Variants in MAGI1 observed in about 807,000 individuals in gnomAD.
The protein encoded by MAGI1 is membrane-associated guanylate kinase, WW and PDZ domain-containing protein 1.
In MAGI1, 58 loss-of-function variants were observed where a neutral mutation model predicts 139.9. The observed-to-expected ratio is 0.41, with a 90% CI of 0.34 to 0.52. MAGI1 has a LOEUF of 0.52. MAGI1 is among the 20% of genes least tolerant of loss of function. MAGI1 has a pLI of 0.12. For synonymous variants in MAGI1, 812 were observed against 737.9 expected (o/e 1.10, Z -1.63); for missense variants, 1,874 against 1,901.6 (o/e 0.99, Z 0.27).
chr3:65,590,428 CTG>C (rs2081917427), intron 2 of MAGI1, among the ~76,000 whole-genome samples: 1 of 152,182 alleles, frequency 6.6e-6, no homozygotes, highest in Admixed American at 6.5e-5. Context: ...CCTTGTATAA[CTG>C]TAAAGAAATC....
intron 1 of MAGI1, among the ~76,000 whole-genome samples, chr3:65,915,948 C>T (rs1366699339): frequency 2.7e-5 from 4 of 150,122 alleles, no homozygotes; most frequent in Non-Finnish European, 5.9e-5. Flanking sequence ...GTAAGAAATA[C>T]ATATACATTT....
At chr3:65,495,184 G>A (rs1952335588) in intron 2 of MAGI1, among the ~76,000 whole-genome samples, 1 of 152,132 alleles carries the variant, frequency 6.6e-6, no homozygotes, top group African/African-American at 2.4e-5. Context: ...TAGGTTCATG[G>A]TCTGCCTCTC....
intron 1 of MAGI1, among the ~76,000 whole-genome samples, chr3:65,930,727 C>T (rs1020382976): frequency 1.3e-5 from 2 of 152,132 alleles, no homozygotes; most frequent in African/African-American, 2.4e-5. Context: ...AAGATGATAA[C>T]GCAAGTGACC....
intron 1 of MAGI1, among the ~76,000 whole-genome samples, chr3:65,928,445 C>T (rs1178037756): frequency 6.6e-6 from 1 of 152,144 alleles, no homozygotes; most frequent in Non-Finnish European, 1.5e-5. Flanking sequence ...ATTGTTTCAA[C>T]AGAAACTGGA....
intron 1 of MAGI1, among the ~76,000 whole-genome samples, chr3:65,796,820 T>C (rs1358389580): frequency 6.6e-6 from 1 of 152,214 alleles, no homozygotes; most frequent in Non-Finnish European, 1.5e-5. Context: ...GAAAGCGGCC[T>C]TGTACTATAC....
chr3:65,857,532 T>A (rs1202453256), intron 1 of MAGI1, among the ~76,000 whole-genome samples: 2 of 152,144 alleles, frequency 1.3e-5, no homozygotes, highest in African/African-American at 4.8e-5. Context: ...TCCTGCTGGG[T>A]CACACGGTTC....
chr3:65,431,167 C>T (rs1947424349), intron 10 of MAGI1, among the ~76,000 whole-genome samples: 1 of 152,140 alleles, frequency 6.6e-6, no homozygotes, highest in African/African-American at 2.4e-5. Flanking sequence ...TCTTGGTTTC[C>T]ATTCATGCAC....
At chr3:65,447,503 G>A (rs897094238) in intron 7 of MAGI1, among the ~76,000 whole-genome samples, 3 of 152,206 alleles carry the variant, frequency 2.0e-5, no homozygotes, top group African/African-American at 4.8e-5. Flanking sequence ...GGTCTGGGAC[G>A]TAATAACAAC....
At chr3:65,771,119 C>T (rs1464177352) in intron 1 of MAGI1, among the ~76,000 whole-genome samples, 1 of 151,720 alleles carries the variant, frequency 6.6e-6, no homozygotes, top group East Asian at 2.0e-4. Flanking sequence ...CCAGCCTGGC[C>T]AACATAGCGA....
At chr3:65,418,594 A>C (rs1946406618) in intron 12 of MAGI1, among the ~76,000 whole-genome samples, 2 of 152,112 alleles carry the variant, frequency 1.3e-5, no homozygotes, top group South Asian at 4.1e-4. Flanking sequence ...GCAAAGAGGG[A>C]GTGCAATGAA....
At chr3:65,995,721 G>A (rs78633061) in intron 1 of MAGI1, among the ~76,000 whole-genome samples, 231 of 152,114 alleles carry the variant, frequency 1.5e-3, no homozygotes, top group African/African-American at 5.3e-3. Flanking sequence ...CTGCTCCACC[G>A]GGCCCTTCTA....
chr3:65,743,447 T>A (rs982964896), intron 1 of MAGI1, among the ~76,000 whole-genome samples: 15 of 151,636 alleles, frequency 9.9e-5, no homozygotes, highest in Non-Finnish European at 1.8e-4. Context: ...GTGGCTCATG[T>A]CTGTAATCCC....
In MAGI1 at chr3:65,407,961, T is replaced by G. The variant is rs563889176; in HGVS notation, c.2168-6491A>C. Among the ~76,000 whole-genome samples the G allele has an allele frequency of 2.0e-5, 3 of 152,296 alleles. No homozygotes were observed. In the South Asian group the frequency reaches 6.2e-4, roughly 32 times the overall value. ...CTTACTACCATTCTACTCAAGTGTT[T>G]ATGCTCCTAAATTACTGGGTCATGG... On this transcript the variant is annotated intron_variant, in intron 12 of 22. Coordinates refer to ENST00000402939, the MANE Select transcript of MAGI1 (RefSeq NM_001033057.2).
chr3:65,395,560 TG>T (rs1428207224), intron 13 of MAGI1, among the ~76,000 whole-genome samples: 5 of 141,094 alleles, frequency 3.5e-5, no homozygotes, highest in Non-Finnish European at 7.5e-5. Context: ...GAGAATCGCT[TG>T]GAAAGGTGGA....
intron 1 of MAGI1, among the ~76,000 whole-genome samples, chr3:65,741,813 G>T (rs1032048282): frequency 6.7e-6 from 1 of 149,626 alleles, no homozygotes; most frequent in African/African-American, 2.5e-5. Context: ...CTTTCAACAA[G>T]GAGATCCACA....
intron 3 of MAGI1, among the ~76,000 whole-genome samples, chr3:65,483,937 G>A (rs1319101692): frequency 6.6e-6 from 1 of 152,078 alleles, no homozygotes; most frequent in Non-Finnish European, 1.5e-5. Context: ...TTGTAACCCT[G>A]GAATTTAAGC....
intron 1 of MAGI1, among the ~76,000 whole-genome samples, chr3:65,855,605 CGGGAGATGGGGAGGAGAG>C (rs2059348400): frequency 9.0e-4 from 1 of 1,108 alleles, no homozygotes; most frequent in African/African-American, 2.7e-3. Flanking sequence ...TTGGAGGAGA[CGGGAGATGGGGAGGAGAG>C]AGGGGAGGGG....
intron 2 of MAGI1, among the ~76,000 whole-genome samples, chr3:65,574,207 C>T (rs549015795): frequency 2.7e-5 from 4 of 149,286 alleles, no homozygotes; most frequent in East Asian, 2.0e-4. Context: ...TTTTAGGTTC[C>T]GGGATACATG....
chr3:65,922,146 G>A (rs931199808), intron 1 of MAGI1, among the ~76,000 whole-genome samples: 6 of 152,010 alleles, frequency 3.9e-5, no homozygotes, highest in African/African-American at 1.5e-4. Context: ...TACAGAAACA[G>A]AGACTCTAAG....
Sources: gnomAD v4.1 joint callset for allele counts (sites outside exome capture counted in the v4.1 genomes callset) on GRCh38, gnomAD v4.1.1 for gene constraint, MANE v1.5 for transcripts, NCBI Gene and HGNC (gene_info 2026-07-23, HGNC 2026-07-21) for gene names.